CSPP1: variants seen among roughly 807,000 people sequenced by gnomAD.
The protein encoded by CSPP1 is centrosome and spindle pole associated protein 1.
In CSPP1, 126 loss-of-function variants were observed where a neutral mutation model predicts 164.4. The ratio of observed to expected loss-of-function variants is 0.77; its 90% CI spans 0.66 to 0.89. The LOEUF (loss-of-function observed/expected upper bound fraction) is 0.89. Among genes scored for constraint, CSPP1 ranks in the 40% least tolerant of loss-of-function variants. The probability of loss-of-function intolerance (pLI) is 0.00; values close to 1 mark genes in which losing one functional copy is unlikely to be tolerated. For missense variants in CSPP1, 1,395 were observed against 1,449.8 expected (o/e 0.96, Z 0.61); for synonymous variants, 472 against 476.7 (o/e 0.99, Z 0.13).
At chr8:67,081,390 A>G (rs1466336784) in intron 3 of CSPP1, among the ~76,000 whole-genome samples, 2 of 152,110 alleles carry the variant, frequency 1.3e-5, no homozygotes, top group Non-Finnish European at 2.9e-5. Context: ...TTCCAAGCCA[A>G]TTTTTTAATT....
At chr8:67,097,538 G>T (rs1353725292) in intron 7 of CSPP1, among the ~76,000 whole-genome samples, 1 of 152,070 alleles carries the variant, frequency 6.6e-6, no homozygotes, top group Non-Finnish European at 1.5e-5. Flanking sequence ...TAATTCAGTT[G>T]GGGAACTGCA....
intron 5 of CSPP1, 45 bp downstream of exon 5, chr8:67,091,928 C>A: frequency 1.4e-6 from 1 of 723,076 alleles, no homozygotes; most frequent in Non-Finnish European, 2.1e-6. Flanking sequence ...TTTTCCGAGG[C>A]ATCAAAATCA....
intron 28 of CSPP1, among the ~76,000 whole-genome samples, chr8:67,187,729 C>CT (rs1554623305): frequency 6.6e-6 from 1 of 152,148 alleles, no homozygotes; most frequent in Non-Finnish European, 1.5e-5. Context: ...CAGCTGATCT[C>CT]TGACAGAGGA....
intron 29 of CSPP1, 42 bp downstream of exon 29, chr8:67,190,801 TGA>T: frequency 7.1e-7 from 1 of 1,417,520 alleles, no homozygotes; most frequent in Non-Finnish European, 1.0e-6. Flanking sequence ...CTTAGAAGAA[TGA>T]GAGGTCTGGG....
At chr8:67,073,627 C>G (rs1378565521) in intron 1 of CSPP1, among the ~76,000 whole-genome samples, 2 of 152,072 alleles carry the variant, frequency 1.3e-5, no homozygotes. Flanking sequence ...ATCAGTGTTA[C>G]AAAAGTTGAT....
chr8:67,159,903 T>TC (rs1491134062), intron 21 of CSPP1, among the ~76,000 whole-genome samples: 1 of 70,004 alleles, frequency 1.4e-5, no homozygotes, highest in African/African-American at 7.0e-5. Flanking sequence ...TTTCTTTCTT[T>TC]CTTTCTTTCT....
At chr8:67,080,077 G>T (rs1808823666) in intron 3 of CSPP1, among the ~76,000 whole-genome samples, 1 of 152,164 alleles carries the variant, frequency 6.6e-6, no homozygotes, top group South Asian at 2.1e-4. Context: ...CCTCCTGCCT[G>T]ATTAATTGTG....
rs918221746 is a variant in CSPP1, at chr8:67,064,474, C to G, written c.-75C>G. The G allele has an allele frequency of 6.2e-7, 1 of 1,613,884 alleles. No homozygotes were observed. Among genetic ancestry groups the G allele is most frequent in the South Asian group, 1.1e-5 (1 of 91,070 alleles). On this transcript the variant is annotated 5_prime_UTR_variant, in exon 1 of 31. Transcript: ENST00000678616. ...TCCTCTAGAGCACTGTGTGTCTCCC[C>G]GGACGCGAGCCCGCTCCCCTGAGTA...
intron 28 of CSPP1, among the ~76,000 whole-genome samples, chr8:67,188,308 C>G (rs961388793): frequency 6.6e-6 from 1 of 152,136 alleles, no homozygotes; most frequent in Admixed American, 6.5e-5. Context: ...AAATCTAGGC[C>G]GACTAAGAAT....
At chr8:67,165,036 C>T (rs1829044806) in intron 24 of CSPP1, among the ~76,000 whole-genome samples, 3 of 152,180 alleles carry the variant, frequency 2.0e-5, no homozygotes, top group Non-Finnish European at 4.4e-5. Flanking sequence ...GTAATCCCAG[C>T]ACTTTTGGGA....
At chr8:67,083,311 AT>A (rs1416695694) in intron 3 of CSPP1, among the ~76,000 whole-genome samples, 3 of 151,690 alleles carry the variant, frequency 2.0e-5, no homozygotes, top group Non-Finnish European at 4.4e-5. Context: ...AGGTGGGCGG[AT>A]CATGAGGTCA....
chr8:67,143,785 T>C (rs529249276), intron 17 of CSPP1, among the ~76,000 whole-genome samples: 1 of 152,334 alleles, frequency 6.6e-6, no homozygotes, highest in South Asian at 2.1e-4. Flanking sequence ...GTCTGTGTGC[T>C]TGCTACTGTC....
chr8:67,121,331 T>C (rs912605677), intron 15 of CSPP1, among the ~76,000 whole-genome samples: 2 of 152,218 alleles, frequency 1.3e-5, no homozygotes, highest in African/African-American at 2.4e-5. Flanking sequence ...ATATAGCTTT[T>C]ATTATGTTGA....
At chr8:67,156,132 G>GTA (rs1431204240) in intron 19 of CSPP1, among the ~76,000 whole-genome samples, 1 of 152,278 alleles carries the variant, frequency 6.6e-6, no homozygotes, top group African/African-American at 2.4e-5. Context: ...TCTTACAATT[G>GTA]TATAGACTTT....
At chr8:67,074,398 T>C (rs1341177386) in intron 2 of CSPP1, 47 bp downstream of exon 2, 1 of 1,140,366 alleles carries the variant, frequency 8.8e-7, no homozygotes, top group Non-Finnish European at 1.3e-6. Flanking sequence ...TAATTGTCTA[T>C]GGAGATTACT....
At chr8:67,156,268 T>TTAA (rs1398504179) in intron 19 of CSPP1, among the ~76,000 whole-genome samples, 177 of 152,298 alleles carry the variant, frequency 1.2e-3, no homozygotes, top group African/African-American at 4.0e-3. Context: ...GCCCAGGGTG[T>TTAA]CACAGCTAGC....
intron 28 of CSPP1, among the ~76,000 whole-genome samples, chr8:67,185,104 CAAAAAA>C (rs562540567): frequency 1.6e-5 from 2 of 121,952 alleles, no homozygotes; most frequent in African/African-American, 5.8e-5. Flanking sequence ...GACTCCGTCT[CAAAAAA>C]AAAAAAACAA....
intron 21 of CSPP1, 44 bp downstream of exon 21, chr8:67,159,181 C>G: frequency 6.5e-7 from 1 of 1,534,468 alleles, no homozygotes; most frequent in Non-Finnish European, 8.8e-7. Flanking sequence ...TAGTTTAACT[C>G]ACTTTCACTG....
At chr8:67,153,605 A>T (rs1281945399) in intron 18 of CSPP1, among the ~76,000 whole-genome samples, 1 of 152,114 alleles carries the variant, frequency 6.6e-6, no homozygotes, top group Admixed American at 6.5e-5. Context: ...CGGTTTTAGA[A>T]AATTTTAAAT....
Sources: allele counts gnomAD v4.1 joint callset (sites outside exome capture counted in the v4.1 genomes callset), GRCh38; gene constraint gnomAD v4.1.1; transcripts MANE v1.5; gene names NCBI Gene and HGNC (gene_info 2026-07-23, HGNC 2026-07-21).